PRRC2C: variants seen among roughly 807,000 people sequenced by gnomAD.
PRRC2C encodes the protein protein PRRC2C.
Under a neutral mutation model 317.2 loss-of-function variants are expected in PRRC2C, and 72 were observed. That is an observed-to-expected ratio of 0.23 (90% CI 0.19 to 0.28). PRRC2C has a LOEUF of 0.28. Among genes scored for constraint, PRRC2C ranks in the 10% least tolerant of loss-of-function variants. The pLI is 1.00. For missense variants in PRRC2C, 3,074 were observed against 3,459.7 expected (o/e 0.89, Z 2.80); for synonymous variants, 1,296 against 1,205.9 (o/e 1.07, Z -1.55).
chr1:171,559,518 T>G (rs922149487), intron 19 of PRRC2C, among the ~76,000 whole-genome samples: 8 of 129,936 alleles, frequency 6.2e-5, no homozygotes, highest in Admixed American at 5.4e-4. Flanking sequence ...TGTTTTTTTT[T>G]TTTTTTTTTT....
At chr1:171,578,949 T>C (rs1283198395) in intron 26 of PRRC2C, among the ~76,000 whole-genome samples, 3 of 152,210 alleles carry the variant, frequency 2.0e-5, no homozygotes, top group African/African-American at 7.2e-5. Context: ...TATACCAAAC[T>C]TTTAAAATTA....
chr1:171,521,482 A>C (rs1673542578), intron 6 of PRRC2C, among the ~76,000 whole-genome samples: 1 of 152,146 alleles, frequency 6.6e-6, no homozygotes, highest in Non-Finnish European at 1.5e-5. Context: ...CTGTGCAGTA[A>C]CTTGATTGAG....
At chr1:171,574,133 T>C (rs1685288333) in intron 24 of PRRC2C, among the ~76,000 whole-genome samples, 1 of 152,174 alleles carries the variant, frequency 6.6e-6, no homozygotes, top group Non-Finnish European at 1.5e-5. Context: ...GTTGGATGTA[T>C]ACTGCATATG....
chr1:171,510,846 T>A (rs1045345739), intron 1 of PRRC2C: 4 of 152,180 alleles, frequency 2.6e-5, no homozygotes, highest in Non-Finnish European at 4.4e-5. Context: ...AGTCTTTATG[T>A]GTAAAAATCA....
At chr1:171,584,617 TG>T in intron 30 of PRRC2C, 91 bp downstream of exon 30, 2 of 1,389,652 alleles carry the variant, frequency 1.4e-6, no homozygotes, top group Non-Finnish European at 1.9e-6. Flanking sequence ...TGAACCAAGA[TG>T]CAAGATGGAG....
chr1:171,487,914 T>A (rs960313986), intron 1 of PRRC2C, among the ~76,000 whole-genome samples: 1 of 152,210 alleles, frequency 6.6e-6, no homozygotes, highest in Non-Finnish European at 1.5e-5. Flanking sequence ...TGTCTACTTA[T>A]ATGCAGGATT....
At chr1:171,491,839 G>C (rs1057087917) in intron 1 of PRRC2C, among the ~76,000 whole-genome samples, 1 of 152,068 alleles carries the variant, frequency 6.6e-6, no homozygotes, top group African/African-American at 2.4e-5. Flanking sequence ...CAAAAACTTT[G>C]TAATTTTGGG....
At chr1:171,545,713 A>ATTTG in intron 17 of PRRC2C, 26 bp downstream of exon 17, 3 of 651,342 alleles carry the variant, frequency 4.6e-6, no homozygotes, top group Non-Finnish European at 6.0e-6. Context: ...CTTTCATTTT[A>ATTTG]TTTATTTATT....
intron 1 of PRRC2C, among the ~76,000 whole-genome samples, chr1:171,488,293 C>T (rs1010521793): frequency 2.0e-5 from 3 of 152,178 alleles, no homozygotes; most frequent in African/African-American, 7.2e-5. Flanking sequence ...ACTTTCATTT[C>T]GGTAAATCGT....
chr1:171,587,323 AC>A, intron 31 of PRRC2C, 102 bp downstream of exon 31: 1 of 1,085,098 alleles, frequency 9.2e-7, no homozygotes, highest in Non-Finnish European at 1.3e-6. Context: ...GTCAGTTTTT[AC>A]CACCCTGCAA....
Position 171,591,588 on chromosome 1 carries a change from C to A in PRRC2C, c.8438C>A (p.Ala2813Glu), listed in dbSNP as rs1651457985. The stretch of plus-strand genomic sequence containing the variant: ...AGTTGTTCTTTCTCATTTTTTAAGG[C>A]AAAGCAGAGAGCAGAGGTTCTTCAG... ...AALKAEQDMK[A>E]KQRAEVLQST... The change falls in exon 35 of 35, where the codon GCA becomes GAA. Residue 2813 changes from alanine (A) to glutamate (E), a missense_variant and splice_region_variant. Ala to Glu is a moderately radical substitution (Grantham distance 107). This residue lies in a region of PRRC2C where 3 missense variants were observed against 20.9 expected (regional missense o/e 0.14). Coordinates refer to ENST00000647382, the MANE Select transcript of PRRC2C (RefSeq NM_001387844.1). 1.2e-6 allele frequency: 2 copies of A among 1,610,956 alleles called. No individual in the cohort carries two copies. Among genetic ancestry groups the A allele is most frequent in the African/African-American group, 2.7e-5 (2 of 74,750 alleles).
At chr1:171,572,312 A>G (rs564934350) in intron 24 of PRRC2C, among the ~76,000 whole-genome samples, 100 of 152,120 alleles carry the variant, frequency 6.6e-4, no homozygotes, top group African/African-American at 1.9e-3. Flanking sequence ...TTTTAAGTCT[A>G]TTTATCTCAT....
rs1684021195 is a variant in PRRC2C at position 171,568,117 on chromosome 1, A to G, written c.6559-130A>G. On this transcript the variant is annotated intron_variant, in intron 22 of 34. Transcript: ENST00000647382. ...CAAGAATCACTTGAGCCTGGAAGGC[A>G]GAGGTTGCAGTGAGCTGAGATCATG... 3.1e-6 allele frequency: 4 copies of G among 1,285,846 alleles called. No homozygotes were observed. In the South Asian group the frequency reaches 6.8e-5, roughly 22 times the overall value. 79.7% of individuals were successfully genotyped at this position (1,285,846 alleles called of 1,614,324 possible).
intron 20 of PRRC2C, 78 bp downstream of exon 20, chr1:171,561,181 A>G: frequency 8.9e-6 from 12 of 1,349,920 alleles, no homozygotes; most frequent in Non-Finnish European, 1.2e-5. Context: ...GGTGGCTTAC[A>G]CCTGTAATCC....
In PRRC2C at chr1:171,591,474, A is replaced by G. The variant is rs968019571; in HGVS notation, c.8437-113A>G. 1.3e-5 allele frequency: 18 copies of G among 1,378,938 alleles called. No homozygotes were observed. In the African/African-American group the frequency reaches 1.6e-4, roughly 12 times the overall value. The allele number at this position is 1,378,938 out of a possible 1,614,324, so 85.4% of individuals were successfully genotyped here. A position where few individuals can be genotyped will look rare whatever the true frequency, so the allele number is the denominator to read the frequency against. On this transcript the variant is annotated intron_variant, in intron 34 of 34. Transcript: ENST00000647382. ...AATGAGGTACTTTTGGCTTTGGCCA[A>G]ACCAGTGTGGGGAAAACTGATTTGT... is the stretch of plus-strand genomic sequence containing the variant.
At chr1:171,563,470 A>T (rs1010607025) in intron 20 of PRRC2C, among the ~76,000 whole-genome samples, 1 of 152,188 alleles carries the variant, frequency 6.6e-6, no homozygotes, top group Non-Finnish European at 1.5e-5. Context: ...ACTGGGTTGA[A>T]TCTACAGATG....
At chr1:171,531,152 A>G (rs1311928983) in intron 11 of PRRC2C, among the ~76,000 whole-genome samples, 1 of 152,222 alleles carries the variant, frequency 6.6e-6, no homozygotes, top group African/African-American at 2.4e-5. Flanking sequence ...ATAAAATTCT[A>G]GGACAAACAG....
At chr1:171,585,892 A>G (rs1343936385) in intron 30 of PRRC2C, among the ~76,000 whole-genome samples, 1 of 152,072 alleles carries the variant, frequency 6.6e-6, no homozygotes, top group East Asian at 1.9e-4. Context: ...CGTATACATA[A>G]TGAGGTGTCT....
chr1:171,580,421 G>A (rs1179983795), intron 28 of PRRC2C, among the ~76,000 whole-genome samples: 1 of 152,198 alleles, frequency 6.6e-6, no homozygotes, highest in East Asian at 1.9e-4. Flanking sequence ...TAAATATGCT[G>A]TGTAGTGAAG....
Sources: gnomAD v4.1 joint callset for allele counts (sites outside exome capture counted in the v4.1 genomes callset) on GRCh38, gnomAD v4.1.1 for gene constraint, gnomAD v4.1.1 regional missense constraint, MANE v1.5 for transcripts, NCBI Gene and HGNC (gene_info 2026-07-23, HGNC 2026-07-21) for gene names.